The following NFIA variants were observed in gnomAD, a reference collection of about 807,000 sequenced individuals.
The protein encoded by NFIA is nuclear factor I A.
A neutral mutation model predicts 62.8 loss-of-function variants in NFIA; 8 were observed. That is an observed-to-expected ratio of 0.13 (90% CI 0.07 to 0.23). NFIA has a LOEUF of 0.23. NFIA is among the 10% of genes least tolerant of loss of function. The pLI is 1.00. For missense variants in NFIA, 410 were observed against 642.1 expected, an observed-to-expected ratio of 0.64 and a Z score of 3.91; for synonymous variants, 235 against 238.1, an observed-to-expected ratio of 0.99 and a Z score of 0.12.
chr1:61,316,503 T>A (rs1660373935), intron 3 of NFIA, among the ~76,000 whole-genome samples: 1 of 152,120 alleles, frequency 6.6e-6, no homozygotes, highest in Non-Finnish European at 1.5e-5. Flanking sequence ...AAGGAGGGGA[T>A]GTTGCTGGCA....
rs546234685 is a variant in NFIA at position 61,360,014 on chromosome 1, G to A, written c.946+740G>A. Reference sequence around the variant, plus strand: ...TTCGAAAGAAGAATGGGTTCCTTGCGATAGTTTAGACTCAGATTTTTATAT... The same window carrying A: ...TTCGAAAGAAGAATGGGTTCCTTGCAATAGTTTAGACTCAGATTTTTATAT... On this transcript the variant is annotated intron_variant, in intron 6 of 10. Transcript: ENST00000403491. Among the ~76,000 whole-genome samples the A allele has an allele frequency of 7.2e-5, 11 of 152,190 alleles. No individual in the cohort carries two copies. In the South Asian group the frequency reaches 1.7e-3, roughly 23 times the overall value.
At chr1:61,162,655 T>G (rs1168515571) in intron 2 of NFIA, among the ~76,000 whole-genome samples, 3 of 152,106 alleles carry the variant, frequency 2.0e-5, no homozygotes, top group Non-Finnish European at 2.9e-5. Flanking sequence ...ATCTGTCCCA[T>G]GGAAAACAGT....
At chr1:61,116,928 G>A (rs1045680463) in intron 2 of NFIA, among the ~76,000 whole-genome samples, 4 of 152,162 alleles carry the variant, frequency 2.6e-5, no homozygotes, top group African/African-American at 7.2e-5. Flanking sequence ...ATGTGTGAGT[G>A]TATTTTGTTA....
chr1:61,302,314 C>T (rs1659537251), intron 3 of NFIA, among the ~76,000 whole-genome samples: 1 of 152,078 alleles, frequency 6.6e-6, no homozygotes. Context: ...CATAACAGTA[C>T]AAAAAGAGGG....
At chr1:61,139,878 CAAAAAA>C (rs35520094) in intron 2 of NFIA, among the ~76,000 whole-genome samples, 23 of 74,152 alleles carry the variant, frequency 3.1e-4, no homozygotes, top group African/African-American at 9.4e-4. Flanking sequence ...GGGAATTTAC[CAAAAAA>C]AAAAAAAAAA....
intron 2 of NFIA, among the ~76,000 whole-genome samples, chr1:61,181,498 A>G (rs980710919): frequency 4.6e-5 from 7 of 152,236 alleles, no homozygotes; most frequent in Non-Finnish European, 7.3e-5. Flanking sequence ...GAAAGTCTGT[A>G]AGATGGAATT....
intron 2 of NFIA, among the ~76,000 whole-genome samples, chr1:61,185,442 C>G (rs558663075): frequency 3.6e-4 from 55 of 152,286 alleles, no homozygotes; most frequent in African/African-American, 1.3e-3. Flanking sequence ...AGTATTCCCT[C>G]TTTTTCCATT....
At chr1:61,418,825 T>G (rs1666475287) in intron 9 of NFIA, among the ~76,000 whole-genome samples, 1 of 152,208 alleles carries the variant, frequency 6.6e-6, no homozygotes, top group Non-Finnish European at 1.5e-5. Flanking sequence ...CACTGCCTTT[T>G]GAGAGGCTGC....
intron 2 of NFIA, chr1:61,248,933 A>G (rs561026303): frequency 6.4e-4 from 98 of 152,346 alleles, no homozygotes; most frequent in African/African-American, 2.2e-3. Flanking sequence ...GGGATATATT[A>G]TTAGAAGAAC....
chr1:61,200,604 A>G (rs1652409304), intron 2 of NFIA, among the ~76,000 whole-genome samples: 1 of 152,190 alleles, frequency 6.6e-6, no homozygotes, highest in Non-Finnish European at 1.5e-5. Flanking sequence ...AAACAGTATC[A>G]TAAACCTTAA....
intron 2 of NFIA, among the ~76,000 whole-genome samples, chr1:61,270,251 C>T (rs371033224): frequency 3.3e-5 from 5 of 152,176 alleles, no homozygotes; most frequent in African/African-American, 1.2e-4. Context: ...AACCACACAA[C>T]ATCCTGTTAA....
intron 3 of NFIA, among the ~76,000 whole-genome samples, chr1:61,291,555 T>G (rs1658882883): frequency 6.6e-6 from 1 of 152,214 alleles, no homozygotes; most frequent in South Asian, 2.1e-4. Context: ...GTAATAATTC[T>G]AAGATATAGA....
intron 2 of NFIA, among the ~76,000 whole-genome samples, chr1:61,260,366 G>GA (rs1052203839): frequency 6.6e-6 from 1 of 152,168 alleles, no homozygotes; most frequent in African/African-American, 2.4e-5. Context: ...TGCAGTTGGC[G>GA]AATGAATTCA....
intron 2 of NFIA, among the ~76,000 whole-genome samples, chr1:61,162,415 A>C (rs1649275238): frequency 6.6e-6 from 1 of 152,218 alleles, no homozygotes; most frequent in African/African-American, 2.4e-5. Context: ...TTCATGTTTC[A>C]AATGTGAAAA....
chr1:61,082,845 C>T, intron 1 of NFIA, 27 bp downstream of exon 1: 1 of 1,497,472 alleles, frequency 6.7e-7, no homozygotes, highest in Non-Finnish European at 9.0e-7. Context: ...ATGCGGAGGG[C>T]TTGGGGGCCG....
At chr1:61,315,312 T>C (rs1002054751) in intron 3 of NFIA, among the ~76,000 whole-genome samples, 14 of 152,208 alleles carry the variant, frequency 9.2e-5, no homozygotes, top group Non-Finnish European at 1.9e-4. Context: ...ACAGTTAACA[T>C]CTGACAAGAA....
intron 7 of NFIA, 94 bp downstream of exon 7, chr1:61,383,459 A>T: frequency 6.8e-7 from 1 of 1,472,948 alleles, no homozygotes; most frequent in Non-Finnish European, 9.2e-7. Context: ...CCCCCTGAAC[A>T]CTCGTGAGGC....
chr1:61,177,030 T>C (rs1650417531), intron 2 of NFIA, among the ~76,000 whole-genome samples: 2 of 151,470 alleles, frequency 1.3e-5, no homozygotes, highest in South Asian at 4.2e-4. Context: ...AGCGTGAACC[T>C]GGGAGGCAGA....
At position 61,361,339 on chromosome 1, in the gene NFIA, G is replaced by A. The variant is rs571675763; in HGVS notation, c.946+2065G>A. ...GACCTCTATATAGTGCCAATGAAAA[G>A]TTTATGTGCTATTAAAAAATTAAAA... is the stretch of plus-strand genomic sequence containing the variant. On this transcript the variant is annotated intron_variant, in intron 6 of 10. Coordinates refer to ENST00000403491, the MANE Select transcript of NFIA (RefSeq NM_001134673.4). Among the ~76,000 whole-genome samples the A allele has an allele frequency of 2.0e-3, 297 of 152,252 alleles. 3 individuals are homozygous for A. The highest frequency in any genetic ancestry group is 6.8e-3 in the Middle Eastern group (2 of 294).
Sources: allele counts gnomAD v4.1 joint callset (sites outside exome capture counted in the v4.1 genomes callset), GRCh38; gene constraint gnomAD v4.1.1; transcripts MANE v1.5; gene names NCBI Gene and HGNC (gene_info 2026-07-23, HGNC 2026-07-21).